AKNAD1: variants seen among roughly 807,000 people sequenced by gnomAD.
AKNAD1 encodes the protein protein AKNAD1.
In AKNAD1, 67 loss-of-function variants were observed where a neutral mutation model predicts 90.8. The observed-to-expected ratio is 0.74, with a 90% CI of 0.61 to 0.90. The LOEUF (loss-of-function observed/expected upper bound fraction) is 0.90. Among genes scored for constraint, AKNAD1 ranks in the 40% least tolerant of loss-of-function variants. AKNAD1 has a pLI of 0.00. For synonymous variants in AKNAD1, 327 were observed against 341.4 expected, an observed-to-expected ratio of 0.96 and a Z score of 0.46; for missense variants, 957 against 975.4, an observed-to-expected ratio of 0.98 and a Z score of 0.25.
chr1:108,851,644 T>C (rs1460676919), intron 2 of AKNAD1, 28 bp downstream of exon 2: 8 of 1,532,208 alleles, frequency 5.2e-6, no homozygotes, highest in Non-Finnish European at 7.0e-6. Context: ...TCCCAATTAA[T>C]GTGTTTACAG....
chr1:108,824,463 A>G (rs1663929312), intron 11 of AKNAD1, among the ~76,000 whole-genome samples: 1 of 149,410 alleles, frequency 6.7e-6, no homozygotes, highest in African/African-American at 2.4e-5. Flanking sequence ...GACTTTTAAC[A>G]TATTATACAA....
At position 108,852,302 on chromosome 1, in the gene AKNAD1, T is replaced by C. The variant is rs772924095; in HGVS notation, c.363A>G (p.Pro121=). ...AATCAATGCCTTGACCTCTTAAGAA[T>C]GGCTCTTTGGAAAGATGATGAAGTA... ...DILLHHLSKE[P]FLRGQGIDCE... Residue 121 remains proline (P), a synonymous_variant, in exon 2 of 16, where the codon CCA becomes CCG. Coordinates refer to ENST00000370001, the MANE Select transcript of AKNAD1 (RefSeq NM_152763.5). 5.0e-6 allele frequency: 8 copies of C among 1,614,110 alleles called. No individual in the cohort carries two copies. Among genetic ancestry groups the C allele is most frequent in the Admixed American group, 1.7e-5 (1 of 60,006 alleles).
rs151100723 is a variant in AKNAD1 at position 108,841,521 on chromosome 1, G to A, written c.1379+1613C>T. On this transcript the variant is annotated intron_variant, in intron 6 of 15. Transcript: ENST00000370001. ...TGGACTACATTCTGACAAGCAAGATGCATGAAATCCAAGCAAATATTTTTG... is the reference window on the plus strand; with the variant it reads ...TGGACTACATTCTGACAAGCAAGATACATGAAATCCAAGCAAATATTTTTG... 6.7e-3 allele frequency among the ~76,000 whole-genome samples: 1,016 copies of A among 152,290 alleles called. 3 individuals carry two copies. The highest frequency in any genetic ancestry group is 0.01 in the South Asian group (50 of 4,812).
At chr1:108,828,786 G>A (rs561987577) in intron 10 of AKNAD1, among the ~76,000 whole-genome samples, 4 of 151,860 alleles carry the variant, frequency 2.6e-5, no homozygotes, top group East Asian at 4.0e-4. Flanking sequence ...TCCAAAGTGG[G>A]AAACTTGGAT....
In AKNAD1 at chr1:108,848,617, C is replaced by A. The variant is rs563872878; in HGVS notation, c.1245+135G>T. On this transcript the variant is annotated intron_variant, in intron 5 of 15. Coordinates refer to ENST00000370001, the MANE Select transcript of AKNAD1 (RefSeq NM_152763.5). ...TCTAAGCTCTTTTAGCCCCCATAAA[C>A]AAAGATGGTTTAATCTTTAGCAAAA... 5.2e-6 allele frequency: 4 copies of A among 773,614 alleles called. No individual in the cohort carries two copies. The South Asian group carries it at 7.5e-5, about 15-fold the overall frequency. 47.9% of individuals were successfully genotyped at this position (773,614 alleles called of 1,614,324 possible).
intron 2 of AKNAD1, among the ~76,000 whole-genome samples, chr1:108,850,354 C>A (rs1482456294): frequency 6.6e-6 from 1 of 152,156 alleles, no homozygotes; most frequent in Non-Finnish European, 1.5e-5. Context: ...TGACCTCGAA[C>A]CCCCATACCA....
At position 108,852,582 on chromosome 1, in the gene AKNAD1, A is replaced by T. The variant is rs757593192; in HGVS notation, c.83T>A (p.Ile28Lys). Reference protein sequence around the residue: ...PYDGDLSQIKIGNDYSFTSKK... With the variant: ...PYDGDLSQIKKGNDYSFTSKK... ...TGAGGTAAAACTGTAATCATTGCCTATCTTAATCTGAGAGAGGTCCCCATC... is the reference window on the plus strand; with the variant it reads ...TGAGGTAAAACTGTAATCATTGCCTTTCTTAATCTGAGAGAGGTCCCCATC... The change falls in exon 2 of 16, where the codon ATA becomes AAA. Residue 28 changes from isoleucine to lysine, a missense_variant. Physicochemically the swap from Ile to Lys is moderately radical, Grantham distance 102 (BLOSUM62 -3). Transcript: ENST00000370001. 1 of 1,612,798 alleles carries T rather than the reference A, an allele frequency of 6.2e-7. No homozygotes were observed. Among genetic ancestry groups the T allele is most frequent in the South Asian group, 1.1e-5 (1 of 90,900 alleles).
rs185999151 is a variant in AKNAD1 at position 108,827,397 on chromosome 1, T to C, written c.1839-95A>G. On this transcript the variant is annotated intron_variant, in intron 10 of 15. Coordinates refer to ENST00000370001, the MANE Select transcript of AKNAD1 (RefSeq NM_152763.5). The stretch of plus-strand genomic sequence containing the variant: ...AGTTGAAACGTTAAATTTTGTTATA[T>C]TAGAGCCTGGAACAGTGTAGGAGGG... 8.7e-6 allele frequency: 8 copies of C among 923,576 alleles called. 1 individual carries two copies. The Admixed American group carries it at 9.4e-5, about 11-fold the overall frequency. The allele number at this position is 923,576 out of a possible 1,614,324, so 57.2% of individuals were successfully genotyped here.
chr1:108,823,780 G>C (rs1410252853), intron 11 of AKNAD1, 92 bp from the exon 12 acceptor site: 2 of 1,570,038 alleles, frequency 1.3e-6, no homozygotes, highest in Admixed American at 1.8e-5. Flanking sequence ...ACTGTGCAGG[G>C]TATGTGTTTG....
rs553089987 is a variant in AKNAD1, at chr1:108,852,099, G to A, written c.566C>T (p.Thr189Met). ...ENSNKPGSAT[T>M]TEENTSDLEG... ...TAAATCAGAGGTATTTTCCTCTGTC[G>A]TGGTGGCAGAACCAGGCTTATTGCT... The change falls in exon 2 of 16, where the codon ACG becomes ATG. Residue 189 changes from threonine to methionine, a missense_variant. Thr to Met is a moderately conservative substitution (Grantham distance 81, BLOSUM62 -1). Transcript: ENST00000370001. The A allele has an allele frequency of 4.6e-5, 75 of 1,614,100 alleles. No individual in the cohort carries two copies. Among genetic ancestry groups the A allele is most frequent in the South Asian group, 2.7e-4 (25 of 91,068 alleles).
chr1:108,849,512 C>G, intron 3 of AKNAD1, 25 bp downstream of exon 3: 4 of 1,442,250 alleles, frequency 2.8e-6, no homozygotes, highest in Non-Finnish European at 3.9e-6. Flanking sequence ...ATATATATCT[C>G]AAAGAAGTTT....
chr1:108,849,861 A>G (rs983588108), intron 2 of AKNAD1, among the ~76,000 whole-genome samples: 4 of 152,376 alleles, frequency 2.6e-5, no homozygotes, highest in Middle Eastern at 3.4e-3. Context: ...AATATCTACC[A>G]TAGTATCAGG....
At chr1:108,818,644 G>A (rs1025750282) in intron 14 of AKNAD1, among the ~76,000 whole-genome samples, 1 of 152,020 alleles carries the variant, frequency 6.6e-6, no homozygotes, top group Non-Finnish European at 1.5e-5. Flanking sequence ...CAAGGAACCT[G>A]CCCAAGGACA....
At chr1:108,850,796 T>G (rs1427579139) in intron 2 of AKNAD1, among the ~76,000 whole-genome samples, 1 of 152,042 alleles carries the variant, frequency 6.6e-6, no homozygotes, top group East Asian at 1.9e-4. Context: ...AGAACTAAAA[T>G]GTATATTTTG....
chr1:108,820,459 G>C (rs1663775580), intron 14 of AKNAD1, 86 bp downstream of exon 14: 1 of 812,682 alleles, frequency 1.2e-6, no homozygotes, highest in Non-Finnish European at 2.1e-6. Context: ...GTTATCTTGG[G>C]GTAGGTAGTT....
Position 108,823,460 on chromosome 1 carries a change from TG to T in AKNAD1, c.2076del (p.Tyr692Ter). On this transcript the variant is annotated frameshift_variant, in exon 13 of 16. Transcript: ENST00000370001. LOFTEE classifies it high-confidence loss of function. ...TTTGAGTAATTCTGTCCTGGAGTGT[TG>T]TATCTATAATGAAATTCTGGGAAGA... ...KEPTKEFHYR[Y>X]NTPGQNYSNH... 2 of 1,614,100 alleles carry T rather than the reference TG, an allele frequency of 1.2e-6. No individual in the cohort carries two copies. Among genetic ancestry groups the T allele is most frequent in the Non-Finnish European group, 8.5e-7 (1 of 1,179,902 alleles).
chr1:108,822,728 A>G (rs1459124129), intron 13 of AKNAD1, among the ~76,000 whole-genome samples: 1 of 152,080 alleles, frequency 6.6e-6, no homozygotes, highest in South Asian at 2.1e-4. Context: ...TTCAGTGGTA[A>G]AACTAGGAGT....
chr1:108,816,133 A>T lies in AKNAD1; in HGVS notation c.*38T>A, dbSNP rs766365581. The T allele has an allele frequency of 9.2e-6, 14 of 1,524,070 alleles. No homozygotes were observed. The highest frequency in any genetic ancestry group is 1.8e-4 in the Middle Eastern group (1 of 5,700). 94.4% of individuals were successfully genotyped at this position (1,524,070 alleles called of 1,614,324 possible). A position where few individuals can be genotyped will look rare whatever the true frequency, so the allele number is the denominator to read the frequency against. ...TGGGGGAAGATCAAGTTTTCTTTGC[A>T]TTTTTTTCTTTTGAATCCTTGGTAG... On this transcript the variant is annotated 3_prime_UTR_variant, in exon 16 of 16. Coordinates refer to ENST00000370001, the MANE Select transcript of AKNAD1 (RefSeq NM_152763.5).
chr1:108,825,397 G>T (rs986670671), intron 11 of AKNAD1, among the ~76,000 whole-genome samples: 4 of 151,696 alleles, frequency 2.6e-5, no homozygotes, highest in African/African-American at 9.7e-5. Context: ...TGAGCCTCTA[G>T]TTCCTTATCT....
Sources: gnomAD v4.1 joint callset for allele counts (sites outside exome capture counted in the v4.1 genomes callset) on GRCh38, gnomAD v4.1.1 for gene constraint, MANE v1.5 for transcripts, NCBI Gene and HGNC (gene_info 2026-07-23, HGNC 2026-07-21) for gene names.